Variants in TET3 observed in about 807,000 individuals in gnomAD.
TET3 encodes tet methylcytosine dioxygenase 3, also known as methylcytosine dioxygenase TET3.
In TET3, 19 loss-of-function variants were observed where a neutral mutation model predicts 141.4. The observed-to-expected ratio is 0.13, with a 90% CI of 0.09 to 0.20. The LOEUF is 0.20. Ranked by LOEUF, TET3 falls within the 10% of genes least tolerant of loss-of-function variation. The pLI is 1.00. For synonymous variants in TET3, 1,043 were observed against 980.9 expected, an observed-to-expected ratio of 1.06 and a Z score of -1.18; for missense variants, 1,874 against 2,356.9, an observed-to-expected ratio of 0.80 and a Z score of 4.24.
intron 4 of TET3, among the ~76,000 whole-genome samples, chr2:74,049,908 C>G (rs1415372722): frequency 2.0e-5 from 3 of 152,090 alleles, no homozygotes; most frequent in Non-Finnish European, 4.4e-5. Context: ...TTCCCACTGG[C>G]CCTGTCCATT....
At chr2:74,017,963 T>C (rs1685822808) in intron 3 of TET3, among the ~76,000 whole-genome samples, 1 of 65,266 alleles carries the variant, frequency 1.5e-5, no homozygotes, top group Admixed American at 1.2e-4. Flanking sequence ...TTCTGTCTCT[T>C]TTTTTTTTTT....
intron 8 of TET3, among the ~76,000 whole-genome samples, chr2:74,092,140 C>CTT (rs1690533431): frequency 6.6e-6 from 1 of 152,106 alleles, no homozygotes; most frequent in Non-Finnish European, 1.5e-5. Flanking sequence ...CCCATCTCTA[C>CTT]TAAAAATATA....
rs775577394 is a variant in TET3, at chr2:74,046,691, G to A, written c.774G>A (p.Thr258=). 6 of 1,614,010 alleles carry A rather than the reference G, an allele frequency of 3.7e-6. No homozygotes were observed. Among genetic ancestry groups the A allele is most frequent in the South Asian group, 3.3e-5 (3 of 91,090 alleles). ...AGSEDLDTLQ[T]ALALARHGMK... ...GCGAAGACCTTGACACACTGCAGAC[G>A]GCCCTGGCCCTCGCGCGGCATGGTA... Residue 258 remains threonine, a synonymous_variant, in exon 4 of 12, where the codon ACG becomes ACA. Coordinates refer to ENST00000409262, the MANE Select transcript of TET3 (RefSeq NM_001287491.2). The surrounding 1 kb of genome is among the most constrained non-coding windows in gnomAD (Gnocchi z 4.3).
chr2:74,004,500 T>C (rs1685050900), intron 3 of TET3, among the ~76,000 whole-genome samples: 1 of 152,094 alleles, frequency 6.6e-6, no homozygotes, highest in Non-Finnish European at 1.5e-5. Context: ...TTCCCTGGCT[T>C]TGTCCCAAGG....
rs2104058974 is a variant in TET3 at position 74,087,288 on chromosome 2, A to G, written c.2680-542A>G. 6.6e-6 allele frequency among the ~76,000 whole-genome samples: 1 copy of G among 152,292 alleles called. No homozygotes were observed. Among genetic ancestry groups the G allele is most frequent in the East Asian group, 1.9e-4 (1 of 5,182 alleles). ...AGTGCTGCAGTGAACGTGGGTATTC[A>G]GGGATCTGCCTGAGTCCTGCTCTCA... On this transcript the variant is annotated intron_variant, in intron 6 of 11. Transcript: ENST00000409262. The surrounding 1 kb of genome is among the most constrained non-coding windows in gnomAD (Gnocchi z 4.3).
At chr2:74,122,536 G>C in the TET3 span, 190 of 50,680 alleles carry the variant, frequency 3.7e-3, no homozygotes, top group African/African-American at 0.012. Context: ...TTTTTTTTGA[G>C]ATAGTCTTGC....
At chr2:74,003,424 G>GTT (rs768499958) in intron 3 of TET3, among the ~76,000 whole-genome samples, 9,208 of 130,046 alleles carry the variant, frequency 0.071, 768 homozygotes, top group African/African-American at 0.19. Context: ...TTGTTGAACT[G>GTT]TTTTTTTTTT....
At chr2:74,050,078 A>G (rs1452123437) in intron 4 of TET3, among the ~76,000 whole-genome samples, 1 of 152,152 alleles carries the variant, frequency 6.6e-6, no homozygotes, top group Non-Finnish European at 1.5e-5. Context: ...TCCTTCTACA[A>G]CGTGGGAAAT....
At chr2:74,029,210 C>T (rs1471482673) in intron 3 of TET3, among the ~76,000 whole-genome samples, 3 of 152,230 alleles carry the variant, frequency 2.0e-5, no homozygotes, top group Non-Finnish European at 4.4e-5. Flanking sequence ...AATCCTACCC[C>T]TACCTGTTGT....
At chr2:74,035,356 C>T (rs1258177861) in intron 3 of TET3, among the ~76,000 whole-genome samples, 11 of 144,844 alleles carry the variant, frequency 7.6e-5, no homozygotes, top group Admixed American at 1.4e-4. Context: ...CCCAGCTACT[C>T]GGGAGGCTGA....
intron 3 of TET3, among the ~76,000 whole-genome samples, chr2:74,020,904 G>A (rs912011149): frequency 6.6e-6 from 1 of 152,206 alleles, no homozygotes; most frequent in African/African-American, 2.4e-5. Flanking sequence ...GCAGTAAGCT[G>A]TTCCTCATTT....
chr2:74,014,427 C>T (rs1685623111), intron 3 of TET3, among the ~76,000 whole-genome samples: 1 of 152,056 alleles, frequency 6.6e-6, no homozygotes, highest in Non-Finnish European at 1.5e-5. Context: ...GAGGAGAGTC[C>T]CTGTGCATGG....
chr2:74,108,542 A>G (rs1464078168), downstream of TET3, among the ~76,000 whole-genome samples: 1 of 152,176 alleles, frequency 6.6e-6, no homozygotes, highest in Non-Finnish European at 1.5e-5. Flanking sequence ...GGATCACCAA[A>G]TGCTGCTTGG....
intron 5 of TET3, among the ~76,000 whole-genome samples, chr2:74,074,226 G>A (rs919490999): frequency 2.6e-5 from 4 of 152,108 alleles, no homozygotes; most frequent in Non-Finnish European, 5.9e-5. Context: ...CACATTGTAC[G>A]TTTATCCAAG....
At chr2:73,991,443 C>G (rs1312389995) in intron 2 of TET3, among the ~76,000 whole-genome samples, 2 of 151,956 alleles carry the variant, frequency 1.3e-5, no homozygotes, top group East Asian at 3.9e-4. Flanking sequence ...ATTAGCCAGG[C>G]GTGGTGGTGG....
At chr2:74,053,457 G>A (rs1043411830) in intron 4 of TET3, among the ~76,000 whole-genome samples, 11 of 152,234 alleles carry the variant, frequency 7.2e-5, no homozygotes, top group African/African-American at 2.7e-4. Flanking sequence ...GATGAGGAAG[G>A]TATCTGTGTT....
At chr2:74,069,179 G>C in intron 4 of TET3, among the ~76,000 whole-genome samples, 1 of 151,306 alleles carries the variant, frequency 6.6e-6, no homozygotes, top group East Asian at 1.9e-4. Context: ...CAGCCATTTG[G>C]AATGGATTTG....
chr2:74,073,726 G>A (rs1689341735), intron 5 of TET3, 87 bp downstream of exon 5: 1 of 1,124,732 alleles, frequency 8.9e-7, no homozygotes, highest in Admixed American at 2.6e-5. Flanking sequence ...TCTTTGCCTT[G>A]TAACAGACAA....
intron 6 of TET3, 108 bp downstream of exon 6, chr2:74,080,699 C>CGGGGGGG (rs34695760): frequency 2.5e-6 from 1 of 405,648 alleles, no homozygotes; most frequent in African/African-American, 4.0e-5. Context: ...CAGGCGAGGG[C>CGGGGGGG]GGGGGGTGGG....
Sources: allele counts gnomAD v4.1 joint callset (sites outside exome capture counted in the v4.1 genomes callset), GRCh38; gene constraint gnomAD v4.1.1; non-coding constraint Gnocchi (gnomAD v3.1); transcripts MANE v1.5; gene names NCBI Gene and HGNC (gene_info 2026-07-23, HGNC 2026-07-21).